GALNTL6: variants seen among roughly 807,000 people sequenced by gnomAD.
GALNTL6 encodes the protein polypeptide N-acetylgalactosaminyltransferase like 6, also known as polypeptide N-acetylgalactosaminyltransferase-like 6.
GALNTL6 carries 46 observed loss-of-function variants against 73.7 expected under a neutral mutation model. The observed-to-expected ratio is 0.62, with a 90% CI of 0.49 to 0.80. The LOEUF is 0.80. GALNTL6 is among the 30% of genes least tolerant of loss of function. The pLI is 0.00. For synonymous variants in GALNTL6, 259 were observed against 263.7 expected, an observed-to-expected ratio of 0.98 and a Z score of 0.17; for missense variants, 604 against 755.0, an observed-to-expected ratio of 0.80 and a Z score of 2.34.
At chr4:171,838,009 T>G (rs1380399920) in intron 2 of GALNTL6, among the ~76,000 whole-genome samples, 1 of 152,012 alleles carries the variant, frequency 6.6e-6, no homozygotes, top group Non-Finnish European at 1.5e-5. Flanking sequence ...GTAACTTTCT[T>G]AATTAACATT....
intron 9 of GALNTL6, among the ~76,000 whole-genome samples, chr4:172,945,024 C>T (rs1329177483): frequency 6.7e-6 from 1 of 149,098 alleles, no homozygotes; most frequent in African/African-American, 2.5e-5. Flanking sequence ...CACCATTGCA[C>T]TCCAGCCTGG....
At chr4:173,032,501 C>T in intron 12 of GALNTL6, among the ~76,000 whole-genome samples, 1 of 151,010 alleles carries the variant, frequency 6.6e-6, no homozygotes, top group East Asian at 1.9e-4. Flanking sequence ...GCCTGGGCAA[C>T]ATGGCAAAAC....
chr4:171,985,816 G>A (rs1470151513), intron 2 of GALNTL6, among the ~76,000 whole-genome samples: 1 of 151,374 alleles, frequency 6.6e-6, no homozygotes. Context: ...GAGGTGGGTG[G>A]ATCACAAGGT....
intron 2 of GALNTL6, among the ~76,000 whole-genome samples, chr4:172,173,359 G>A (rs769460804): frequency 5.3e-5 from 8 of 152,166 alleles, no homozygotes; most frequent in Admixed American, 1.3e-4. Flanking sequence ...CTCTGCTATT[G>A]GTCCATCAAG....
rs1362719964 is a variant in GALNTL6, at chr4:171,954,590, TG to T, written c.138+139873del. 7.9e-5 allele frequency among the ~76,000 whole-genome samples: 12 copies of T among 152,350 alleles called. No individual in the cohort carries two copies. The South Asian group carries it at 2.3e-3, about 29-fold the overall frequency. On this transcript the variant is annotated intron_variant, in intron 2 of 12. Coordinates refer to ENST00000506823, the MANE Select transcript of GALNTL6 (RefSeq NM_001034845.3). ...TTATAGATAAGTACATACATATTTG[TG>T]AAACAATATTTCTAAATATTCATTA...
intron 5 of GALNTL6, among the ~76,000 whole-genome samples, chr4:172,767,051 A>G (rs2043783): frequency 0.53 from 79,809 of 151,982 alleles, 22,383 homozygotes; most frequent in African/African-American, 0.74. Context: ...GCACTATGCA[A>G]TTTGCATCTA....
rs1402241906 is a variant in GALNTL6, at chr4:172,900,257, TA to T, written c.1041+17354del. 3.3e-5 allele frequency among the ~76,000 whole-genome samples: 5 copies of T among 152,210 alleles called. No homozygotes were observed. In the East Asian group the frequency reaches 9.6e-4, roughly 29 times the overall value. The stretch of plus-strand genomic sequence containing the variant: ...TTTTATAGATGAAGAAACTGAGATA[TA>T]AAATTTTAAAGATTATTGTTTTTGA... On this transcript the variant is annotated intron_variant, in intron 8 of 12. Coordinates refer to ENST00000506823, the MANE Select transcript of GALNTL6 (RefSeq NM_001034845.3).
At chr4:171,923,956 A>G (rs1247378358) in intron 2 of GALNTL6, among the ~76,000 whole-genome samples, 1 of 152,086 alleles carries the variant, frequency 6.6e-6, no homozygotes, top group Non-Finnish European at 1.5e-5. Flanking sequence ...GGATATTACT[A>G]TAAGGTACTT....
intron 7 of GALNTL6, among the ~76,000 whole-genome samples, chr4:172,834,640 G>A (rs1193675244): frequency 1.3e-5 from 2 of 152,182 alleles, no homozygotes; most frequent in Non-Finnish European, 2.9e-5. Flanking sequence ...TGTCAGGGTG[G>A]CCCCTGACAA....
intron 3 of GALNTL6, among the ~76,000 whole-genome samples, chr4:172,301,224 CT>C (rs1409389902): frequency 3.9e-5 from 6 of 152,298 alleles, no homozygotes; most frequent in African/African-American, 1.2e-4. Context: ...CCATCAGGTC[CT>C]TTAAGGACTT....
At position 172,348,642 on chromosome 4, in the gene GALNTL6, G is replaced by C. The variant is rs201460369; in HGVS notation, c.506G>C (p.Gly169Ala). 3 of 1,611,534 alleles carry C rather than the reference G, an allele frequency of 1.9e-6. No individual in the cohort carries two copies. The highest frequency in any genetic ancestry group is 2.5e-6 in the Non-Finnish European group (3 of 1,178,600). Residue 169 changes from glycine (G) to alanine (A), a missense_variant, in exon 5 of 13, where the codon GGG (glycine) becomes GCG (alanine). Physicochemically the swap from Gly to Ala is moderately conservative, Grantham distance 60 (BLOSUM62 0). Coordinates refer to ENST00000506823, the MANE Select transcript of GALNTL6 (RefSeq NM_001034845.3). Reference protein sequence around the residue: ...TIHSIINRTPGSLIAEIILVD... With the variant: ...TIHSIINRTPASLIAEIILVD... Reference sequence around the variant, plus strand: ...CACAGTATAATTAACCGAACCCCAGGGAGTCTGATAGCAGAAATCATTCTA... The same window carrying C: ...CACAGTATAATTAACCGAACCCCAGCGAGTCTGATAGCAGAAATCATTCTA...
At chr4:172,357,408 G>A (rs930231356) in intron 5 of GALNTL6, among the ~76,000 whole-genome samples, 1 of 152,022 alleles carries the variant, frequency 6.6e-6, no homozygotes, top group Non-Finnish European at 1.5e-5. Context: ...ATTTCACAGG[G>A]CCATGCTGGT....
chr4:172,644,974 A>G (rs879045096), intron 5 of GALNTL6, among the ~76,000 whole-genome samples: 2 of 152,040 alleles, frequency 1.3e-5, no homozygotes, highest in African/African-American at 4.8e-5. Context: ...TTTCATATGC[A>G]TAATGAATGT....
intron 2 of GALNTL6, among the ~76,000 whole-genome samples, chr4:172,096,538 T>TAAAA (rs112060285): frequency 6.7e-6 from 1 of 149,300 alleles, no homozygotes; most frequent in Non-Finnish European, 1.5e-5. Flanking sequence ...GCCCTTTTTA[T>TAAAA]AAAAAAAAAA....
At chr4:172,330,868 CTG>C (rs1741100741) in intron 4 of GALNTL6, among the ~76,000 whole-genome samples, 1 of 152,000 alleles carries the variant, frequency 6.6e-6, no homozygotes. Context: ...TATGTTCAGA[CTG>C]TTTCTTTTTT....
intron 5 of GALNTL6, among the ~76,000 whole-genome samples, chr4:172,358,329 T>A (rs919087053): frequency 4.6e-5 from 7 of 152,080 alleles, no homozygotes; most frequent in Admixed American, 1.3e-4. Flanking sequence ...GAAAAATAAG[T>A]CCCCCAATAT....
rs563092291 is a variant in GALNTL6, at chr4:172,042,481, G to C, written c.139-187175G>C. 8.6e-5 allele frequency among the ~76,000 whole-genome samples: 13 copies of C among 151,946 alleles called. No individual in the cohort carries two copies. In the South Asian group the frequency reaches 2.5e-3, roughly 29 times the overall value. On this transcript the variant is annotated intron_variant, in intron 2 of 12. Coordinates refer to ENST00000506823, the MANE Select transcript of GALNTL6 (RefSeq NM_001034845.3). ...GCTCATTAAGCAAGTCTACTTAAAC[G>C]TTTTATAGCACTTCAAACTTGTATA...
intron 4 of GALNTL6, among the ~76,000 whole-genome samples, chr4:172,319,828 G>T (rs1740693138): frequency 6.6e-6 from 1 of 152,106 alleles, no homozygotes; most frequent in African/African-American, 2.4e-5. Flanking sequence ...TAAGTCTCTG[G>T]AAATGGTCCT....
At chr4:172,538,034 G>A (rs763011591) in intron 5 of GALNTL6, among the ~76,000 whole-genome samples, 3 of 152,144 alleles carry the variant, frequency 2.0e-5, no homozygotes, top group Non-Finnish European at 2.9e-5. Context: ...AAGCACCAAG[G>A]TGAGGGTTGC....
Sources: allele counts gnomAD v4.1 joint callset (sites outside exome capture counted in the v4.1 genomes callset), GRCh38; gene constraint gnomAD v4.1.1; transcripts MANE v1.5; gene names NCBI Gene and HGNC (gene_info 2026-07-23, HGNC 2026-07-21).